Variants in PCDH15 observed in about 807,000 individuals in gnomAD.
The protein encoded by PCDH15 is protocadherin-15.
Under a neutral mutation model 178.5 loss-of-function variants are expected in PCDH15, and 129 were observed. That is an observed-to-expected ratio of 0.72 (90% CI 0.63 to 0.84). The LOEUF (loss-of-function observed/expected upper bound fraction) is 0.84. Ranked by LOEUF, PCDH15 falls within the 40% of genes least tolerant of loss-of-function variation. The probability of loss-of-function intolerance (pLI) is 0.00; values close to 1 mark genes in which losing one functional copy is unlikely to be tolerated. For missense variants in PCDH15, 2,230 were observed against 2,099.9 expected, an observed-to-expected ratio of 1.06 and a Z score of -1.21; for synonymous variants, 800 against 732.0, an observed-to-expected ratio of 1.09 and a Z score of -1.50.
intron 3 of PCDH15, among the ~76,000 whole-genome samples, chr10:54,825,427 T>C (rs1396071279): frequency 5.5e-5 from 8 of 144,582 alleles, no homozygotes; most frequent in African/African-American, 1.8e-4. Flanking sequence ...TTTCTAGTTC[T>C]AGATCCCTGA....
chr10:54,570,197 C>T (rs971108230), intron 2 of PCDH15, among the ~76,000 whole-genome samples: 2 of 151,922 alleles, frequency 1.3e-5, no homozygotes, highest in African/African-American at 4.8e-5. Flanking sequence ...CATACTGGAG[C>T]CTAAGGCAAA....
chr10:54,632,162 A>C (rs911507046), intron 2 of PCDH15, among the ~76,000 whole-genome samples: 1 of 152,106 alleles, frequency 6.6e-6, no homozygotes, highest in East Asian at 1.9e-4. Context: ...CCATTATCCT[A>C]AGAAAATTAA....
chr10:54,860,595 C>T (rs1292433182), intron 3 of PCDH15, among the ~76,000 whole-genome samples: 1 of 152,094 alleles, frequency 6.6e-6, no homozygotes, highest in Non-Finnish European at 1.5e-5. Flanking sequence ...CTATTGCAAA[C>T]AGCGCTATGA....
chr10:54,751,180 T>C (rs2132974183), intron 1 of PCDH15, among the ~76,000 whole-genome samples: 1 of 152,274 alleles, frequency 6.6e-6, no homozygotes, highest in African/African-American at 2.4e-5. Context: ...AGAAGGATTC[T>C]AATATTTTTA....
intron 2 of PCDH15, among the ~76,000 whole-genome samples, chr10:55,028,456 A>G (rs1840529635): frequency 6.6e-6 from 1 of 151,984 alleles, no homozygotes; most frequent in Non-Finnish European, 1.5e-5. Context: ...CTACCTGAAA[A>G]AGAAAGCATT....
chr10:54,237,938 A>G (rs2054804176), intron 8 of PCDH15, among the ~76,000 whole-genome samples: 1 of 152,174 alleles, frequency 6.6e-6, no homozygotes, highest in Non-Finnish European at 1.5e-5. Context: ...AGAAAAGGGT[A>G]CTATTTGCTC....
chr10:54,732,528 G>A (rs774529065), intron 1 of PCDH15, among the ~76,000 whole-genome samples: 3 of 151,472 alleles, frequency 2.0e-5, no homozygotes, highest in South Asian at 2.1e-4. Flanking sequence ...ATTTAGTCAA[G>A]CAATTAGATT....
At chr10:54,427,533 C>T (rs1323460666) in intron 3 of PCDH15, among the ~76,000 whole-genome samples, 1 of 152,000 alleles carries the variant, frequency 6.6e-6, no homozygotes, top group Non-Finnish European at 1.5e-5. Context: ...CCACCTCAGC[C>T]TCCCAAAGTG....
chr10:54,453,127 C>T (rs550823367), intron 3 of PCDH15, among the ~76,000 whole-genome samples: 1 of 152,154 alleles, frequency 6.6e-6, no homozygotes, highest in South Asian at 2.1e-4. Flanking sequence ...ACTAGAAATA[C>T]CATTTGACCC....
At chr10:54,196,332 C>T (rs1327551444) in intron 10 of PCDH15, among the ~76,000 whole-genome samples, 1 of 151,784 alleles carries the variant, frequency 6.6e-6, no homozygotes, top group African/African-American at 2.4e-5. Context: ...TTAGTAGAGA[C>T]AGGGTTTCAC....
intron 35 of PCDH15, among the ~76,000 whole-genome samples, chr10:53,814,668 A>T (rs2075996061): frequency 6.6e-6 from 1 of 152,116 alleles, no homozygotes; most frequent in Non-Finnish European, 1.5e-5. Flanking sequence ...TCGTTAAAAA[A>T]AAATTTGAGG....
intron 1 of PCDH15, among the ~76,000 whole-genome samples, chr10:55,267,828 G>A (rs1842340122): frequency 6.6e-6 from 1 of 152,160 alleles, no homozygotes; most frequent in Admixed American, 6.5e-5. Flanking sequence ...TGGGGGAATG[G>A]AGGAAGAAAG....
chr10:54,153,486 A>G (rs1291278151), intron 13 of PCDH15, among the ~76,000 whole-genome samples, 193 bp from the exon 14 acceptor site: 2 of 152,160 alleles, frequency 1.3e-5, no homozygotes, highest in Non-Finnish European at 2.9e-5. Flanking sequence ...TAAAGCAATC[A>G]CAAAAATAAG....
intron 2 of PCDH15, among the ~76,000 whole-genome samples, chr10:54,615,146 G>A (rs1021539831): frequency 1.3e-5 from 2 of 151,946 alleles, no homozygotes; most frequent in Non-Finnish European, 2.9e-5. Context: ...TATACCTCAG[G>A]CGAGATAATA....
intron 3 of PCDH15, among the ~76,000 whole-genome samples, chr10:54,852,690 G>C (rs1166232906): frequency 6.6e-6 from 1 of 150,866 alleles, no homozygotes; most frequent in African/African-American, 2.4e-5. Context: ...GTTTCTACTA[G>C]AAATACAAAA....
chr10:55,426,847 A>T (rs913078803), intron 2 of PCDH15, among the ~76,000 whole-genome samples: 1 of 152,084 alleles, frequency 6.6e-6, no homozygotes, highest in African/African-American at 2.4e-5. Flanking sequence ...TCTTCTCCGA[A>T]GTTATGCCAT....
chr10:55,381,321 C>G (rs992228152), intron 2 of PCDH15, among the ~76,000 whole-genome samples: 22 of 152,114 alleles, frequency 1.4e-4, no homozygotes, highest in Non-Finnish European at 2.6e-4. Context: ...CAGTACATAG[C>G]AGACAACTTG....
At chr10:55,442,918 C>T (rs1009362840) in intron 2 of PCDH15, among the ~76,000 whole-genome samples, 2 of 151,814 alleles carry the variant, frequency 1.3e-5, no homozygotes, top group African/African-American at 4.8e-5. Context: ...TGGAACATTC[C>T]AGATCAAGAG....
chr10:54,874,434 C>T (rs1050801139), intron 3 of PCDH15, among the ~76,000 whole-genome samples: 4 of 151,306 alleles, frequency 2.6e-5, no homozygotes, highest in Non-Finnish European at 5.9e-5. Context: ...AATAAACATA[C>T]GTGTGCATGT....
Sources: allele counts gnomAD v4.1 joint callset (sites outside exome capture counted in the v4.1 genomes callset), GRCh38; gene constraint gnomAD v4.1.1; transcripts MANE v1.5; gene names NCBI Gene and HGNC (gene_info 2026-07-23, HGNC 2026-07-21).